Variants in ARHGAP12 observed in about 807,000 individuals in gnomAD.
The protein encoded by ARHGAP12 is Rho GTPase activating protein 12, also known as rho GTPase-activating protein 12.
ARHGAP12 carries 64 observed loss-of-function variants against 108.6 expected under a neutral mutation model. The ratio of observed to expected loss-of-function variants is 0.59; its 90% CI spans 0.48 to 0.73. The LOEUF (loss-of-function observed/expected upper bound fraction) is 0.73. Ranked by LOEUF, ARHGAP12 falls within the 30% of genes least tolerant of loss-of-function variation. The pLI is 0.00. For synonymous variants in ARHGAP12, 312 were observed against 337.2 expected (o/e 0.93, Z 0.82); for missense variants, 940 against 1,005.9 (o/e 0.93, Z 0.89).
intron 9 of ARHGAP12, among the ~76,000 whole-genome samples, chr10:31,838,938 G>A (rs1221315500): frequency 3.3e-5 from 5 of 151,900 alleles, no homozygotes; most frequent in African/African-American, 4.8e-5. Context: ...GTGGGGGAGG[G>A]GCAGGTGGTT....
chr10:31,839,163 A>G, intron 9 of ARHGAP12, 142 bp downstream of exon 9: 5 of 795,378 alleles, frequency 6.3e-6, no homozygotes, highest in Non-Finnish European at 9.8e-6. Context: ...CAGAAGTCAC[A>G]TGGAGGTTTT....
chr10:31,836,738 C>A (rs958915461), intron 9 of ARHGAP12, among the ~76,000 whole-genome samples: 2 of 152,064 alleles, frequency 1.3e-5, no homozygotes, highest in African/African-American at 2.4e-5. Flanking sequence ...GAGAAAGAGA[C>A]GCAAGAATAC....
intron 3 of ARHGAP12, among the ~76,000 whole-genome samples, chr10:31,871,071 CA>C (rs1837525490): frequency 6.6e-6 from 1 of 152,096 alleles, no homozygotes; most frequent in African/African-American, 2.4e-5. Flanking sequence ...AAAAACTCAG[CA>C]CTAAACAGGG....
At chr10:31,846,063 G>A (rs796849093) in intron 6 of ARHGAP12, among the ~76,000 whole-genome samples, 70 of 152,036 alleles carry the variant, frequency 4.6e-4, no homozygotes, top group African/African-American at 1.5e-3. Flanking sequence ...TTTAGTGCTT[G>A]CTCTAGGGAT....
intron 16 of ARHGAP12, 37 bp from the exon 17 acceptor site, chr10:31,809,344 A>G (rs764282807): frequency 6.3e-7 from 1 of 1,580,592 alleles, no homozygotes; most frequent in Non-Finnish European, 8.7e-7. Flanking sequence ...GTGTGTGTTT[A>G]AAGTACTTCT....
At chr10:31,928,513 T>A (rs1464733700) in intron 1 of ARHGAP12, among the ~76,000 whole-genome samples, 170 bp downstream of exon 1, 1 of 135,940 alleles carries the variant, frequency 7.4e-6, no homozygotes, top group African/African-American at 3.0e-5. Context: ...GCGCCCGACC[T>A]CCCTTTGCGC....
chr10:31,905,223 T>C (rs946459544), intron 3 of ARHGAP12, among the ~76,000 whole-genome samples: 1 of 152,216 alleles, frequency 6.6e-6, no homozygotes, highest in African/African-American at 2.4e-5. Context: ...TTGTTGGCTG[T>C]GATAATTGTA....
In ARHGAP12 at chr10:31,838,454, G is replaced by C. The variant is rs541738287; in HGVS notation, c.1386+851C>G. Among the ~76,000 whole-genome samples, 5 of 152,194 alleles carry C rather than the reference G, an allele frequency of 3.3e-5. No homozygotes were observed. The South Asian group carries it at 1.0e-3, about 32-fold the overall frequency. On this transcript the variant is annotated intron_variant, in intron 9 of 19. Coordinates refer to ENST00000344936, the MANE Select transcript of ARHGAP12 (RefSeq NM_018287.7). Reference sequence around the variant, plus strand: ...CCCAGCACTTTGGGAGGCCAAGGCAGGCATATCACTTGAGGCCACAAGTTC... The same window carrying C: ...CCCAGCACTTTGGGAGGCCAAGGCACGCATATCACTTGAGGCCACAAGTTC...
chr10:31,859,077 C>T (rs1339504658), intron 4 of ARHGAP12, among the ~76,000 whole-genome samples: 1 of 152,126 alleles, frequency 6.6e-6, no homozygotes, highest in Admixed American at 6.5e-5. Flanking sequence ...GCAGCCCATC[C>T]CTACCCCAGC....
At chr10:31,858,801 C>A (rs1836996007) in intron 4 of ARHGAP12, among the ~76,000 whole-genome samples, 2 of 152,054 alleles carry the variant, frequency 1.3e-5, no homozygotes, top group African/African-American at 4.8e-5. Flanking sequence ...ATGATGTAAA[C>A]CCACAACAAC....
At chr10:31,891,754 A>T (rs561826474) in intron 3 of ARHGAP12, among the ~76,000 whole-genome samples, 54 of 152,224 alleles carry the variant, frequency 3.5e-4, no homozygotes, top group African/African-American at 1.1e-3. Context: ...ACATAGTCCC[A>T]TATTTCTTGG....
intron 11 of ARHGAP12, among the ~76,000 whole-genome samples, chr10:31,821,838 T>C (rs920005885): frequency 5.9e-5 from 9 of 152,202 alleles, no homozygotes; most frequent in South Asian, 2.1e-4. Context: ...TGAAGTACCA[T>C]TGTCAATCGA....
At position 31,831,729 on chromosome 10, in the gene ARHGAP12, G is replaced by A. The variant is rs748995530; in HGVS notation, c.1448+10C>T. 1.9e-6 allele frequency: 3 copies of A among 1,539,740 alleles called. No individual in the cohort carries two copies. The highest frequency in any genetic ancestry group is 2.7e-6 in the Non-Finnish European group (3 of 1,118,794). On this transcript the variant is annotated intron_variant, in intron 10 of 19. Transcript: ENST00000344936. ...AATCATGTAAGAACATTAAAGACTT[G>A]TGTACTTACCGAACCTTTTTCCCAT...
In ARHGAP12 at chr10:31,900,222, G is replaced by C. The variant is rs147945873; in HGVS notation, c.684+7950C>G. 3.9e-5 allele frequency among the ~76,000 whole-genome samples: 6 copies of C among 152,294 alleles called. No homozygotes were observed. In the East Asian group the frequency reaches 9.6e-4, roughly 24 times the overall value. On this transcript the variant is annotated intron_variant, in intron 3 of 19. Transcript: ENST00000344936. ...AAAAAACTAGTAATACCAAATGCTC[G>C]TGAATATGTGGTACAACTCTCATCC...
chr10:31,874,240 C>T (rs1837642778), intron 3 of ARHGAP12, among the ~76,000 whole-genome samples: 2 of 152,212 alleles, frequency 1.3e-5, no homozygotes, highest in Non-Finnish European at 2.9e-5. Context: ...AACATACCAT[C>T]TTTTCTGTCT....
At chr10:31,812,665 A>C in intron 15 of ARHGAP12, 42 bp downstream of exon 15, 24 of 1,162,184 alleles carry the variant, frequency 2.1e-5, no homozygotes, top group Middle Eastern at 2.0e-4. Context: ...TTTATGACGT[A>C]GGCCAACATT....
chr10:31,840,267 C>T (rs761848086), intron 7 of ARHGAP12, among the ~76,000 whole-genome samples: 12 of 151,264 alleles, frequency 7.9e-5, no homozygotes, highest in Non-Finnish European at 1.5e-4. Context: ...AAGAAAGAAA[C>T]CTACGATTTA....
Position 31,908,828 on chromosome 10 carries a change from T to A in ARHGAP12, c.28A>T (p.Ile10Phe). Residue 10 changes from isoleucine to phenylalanine, a missense_variant, in exon 3 of 20, where the codon ATT becomes TTT. Transcript: ENST00000344936. MKMADRSGK[I>F]IPGQVYIEVE... ...TCAATATACACTTGTCCTGGAATAA[T>A]CTTCCCACTTCTGTCAGCCATTTTC... 6.3e-7 allele frequency: 1 copy of A among 1,596,936 alleles called. No homozygotes were observed. The highest frequency in any genetic ancestry group is 8.5e-7 in the Non-Finnish European group (1 of 1,175,704).
chr10:31,912,307 T>TCAG (rs1839386133), intron 1 of ARHGAP12, among the ~76,000 whole-genome samples: 1 of 152,178 alleles, frequency 6.6e-6, no homozygotes, highest in Non-Finnish European at 1.5e-5. Context: ...TCAGACATAC[T>TCAG]ATAGTTAGTT....
Sources: allele counts gnomAD v4.1 joint callset (sites outside exome capture counted in the v4.1 genomes callset), GRCh38; gene constraint gnomAD v4.1.1; transcripts MANE v1.5; gene names NCBI Gene and HGNC (gene_info 2026-07-23, HGNC 2026-07-21).